Variants in GNA14 observed in about 807,000 individuals in gnomAD.
GNA14 encodes G protein subunit alpha 14.
In GNA14, 50 loss-of-function variants were observed where a neutral mutation model predicts 42.0. The observed-to-expected ratio is 1.19, with a 90% CI of 0.95 to 1.51. The LOEUF is 1.51. Ranked by LOEUF, GNA14 falls within the 40% of genes most tolerant of loss-of-function variation. GNA14 has a pLI of 0.00. For missense variants in GNA14, 473 were observed against 446.2 expected (o/e 1.06, Z -0.54); for synonymous variants, 173 against 163.1 (o/e 1.06, Z -0.46).
intron 1 of GNA14, among the ~76,000 whole-genome samples, chr9:77,635,944 T>C (rs1278481825): frequency 1.3e-4 from 20 of 152,200 alleles, no homozygotes; most frequent in Admixed American, 1.1e-3. Flanking sequence ...TTTCCATCAG[T>C]TGTATTTCAT....
At chr9:77,468,549 T>C (rs1204661546) in intron 2 of GNA14, among the ~76,000 whole-genome samples, 1 of 152,240 alleles carries the variant, frequency 6.6e-6, no homozygotes, top group Non-Finnish European at 1.5e-5. Context: ...TATTTATTAA[T>C]ATTTCAAGAC....
At chr9:77,578,718 C>T (rs146872778) in intron 1 of GNA14, among the ~76,000 whole-genome samples, 12 of 152,312 alleles carry the variant, frequency 7.9e-5, no homozygotes, top group African/African-American at 2.9e-4. Context: ...TAACCTCATA[C>T]TTCCCATATT....
chr9:77,626,671 A>G (rs1041057073), intron 1 of GNA14, among the ~76,000 whole-genome samples: 2 of 152,226 alleles, frequency 1.3e-5, no homozygotes, highest in Non-Finnish European at 2.9e-5. Context: ...GCAGAAATAA[A>G]TAAGTTATTT....
intron 1 of GNA14, among the ~76,000 whole-genome samples, chr9:77,535,256 G>A (rs1001509910): frequency 6.6e-6 from 1 of 152,086 alleles, no homozygotes; most frequent in East Asian, 1.9e-4. Flanking sequence ...ACTGATTTAT[G>A]GGCTGGGTGC....
chr9:77,466,318 A>G (rs1359507895), intron 2 of GNA14, among the ~76,000 whole-genome samples: 1 of 152,114 alleles, frequency 6.6e-6, no homozygotes, highest in Non-Finnish European at 1.5e-5. Context: ...TCTGTTCTTT[A>G]GAATGCATAA....
chr9:77,639,760 T>G (rs915978855), intron 1 of GNA14, among the ~76,000 whole-genome samples: 2 of 152,242 alleles, frequency 1.3e-5, no homozygotes, highest in African/African-American at 2.4e-5. Flanking sequence ...CCAATTTCCA[T>G]TAATTCTATT....
intron 1 of GNA14, among the ~76,000 whole-genome samples, chr9:77,607,563 A>C (rs1237401057): frequency 6.6e-6 from 1 of 152,204 alleles, no homozygotes; most frequent in African/African-American, 2.4e-5. Flanking sequence ...TAATACCAAC[A>C]AGGTTTCCAA....
chr9:77,640,886 A>AAAAC (rs1554705768), intron 1 of GNA14, among the ~76,000 whole-genome samples: 2 of 145,460 alleles, frequency 1.4e-5, no homozygotes, highest in Admixed American at 1.5e-4. Context: ...AAAAAAAAAA[A>AAAAC]AAAAAACAAC....
At chr9:77,495,257 C>T in intron 2 of GNA14, among the ~76,000 whole-genome samples, 1 of 151,862 alleles carries the variant, frequency 6.6e-6, no homozygotes, top group East Asian at 1.9e-4. Context: ...GGGAAAAAAC[C>T]TCTTTTTCCA....
chr9:77,481,239 G>A (rs994780859), intron 2 of GNA14, among the ~76,000 whole-genome samples: 2 of 152,124 alleles, frequency 1.3e-5, no homozygotes, highest in Non-Finnish European at 2.9e-5. Context: ...AGAGATTCTG[G>A]TGTGTTGTGT....
intron 2 of GNA14, among the ~76,000 whole-genome samples, chr9:77,493,126 G>A (rs936518142): frequency 6.7e-6 from 1 of 150,352 alleles, no homozygotes; most frequent in Non-Finnish European, 1.5e-5. Context: ...GTGGGTATGG[G>A]GGCACCGTGG....
intron 1 of GNA14, among the ~76,000 whole-genome samples, chr9:77,611,889 A>G (rs1823740076): frequency 6.6e-6 from 1 of 152,082 alleles, no homozygotes; most frequent in Non-Finnish European, 1.5e-5. Flanking sequence ...ACACAAATAC[A>G]CTCTGAGTGC....
chr9:77,647,590 G>C, intron 1 of GNA14, 80 bp downstream of exon 1: 1 of 1,486,214 alleles, frequency 6.7e-7, no homozygotes, highest in Non-Finnish European at 9.0e-7. Flanking sequence ...CTCCAGGGCC[G>C]CGCGGGTGCC....
At chr9:77,579,052 G>A (rs745598800) in intron 1 of GNA14, among the ~76,000 whole-genome samples, 2 of 152,198 alleles carry the variant, frequency 1.3e-5, no homozygotes, top group Non-Finnish European at 2.9e-5. Flanking sequence ...AGCCATGGGA[G>A]GCTGGCAGTG....
intron 2 of GNA14, among the ~76,000 whole-genome samples, chr9:77,512,613 T>G (rs1011588226): frequency 1.3e-5 from 2 of 152,226 alleles, no homozygotes; most frequent in Non-Finnish European, 2.9e-5. Context: ...ATGTATTCTT[T>G]ATCAAAGGTA....
chr9:77,461,670 C>T (rs1836109199), intron 2 of GNA14, among the ~76,000 whole-genome samples: 1 of 152,112 alleles, frequency 6.6e-6, no homozygotes, highest in Non-Finnish European at 1.5e-5. Context: ...TAGCTTTATA[C>T]TCACTTTTAT....
chr9:77,599,460 G>A (rs992187481), intron 1 of GNA14, among the ~76,000 whole-genome samples: 2 of 152,200 alleles, frequency 1.3e-5, no homozygotes, highest in Admixed American at 1.3e-4. Flanking sequence ...GGTAGTAAAT[G>A]AGGACTGAAC....
chr9:77,451,675 C>T (rs562800242), intron 2 of GNA14, among the ~76,000 whole-genome samples: 20 of 152,234 alleles, frequency 1.3e-4, no homozygotes, highest in Middle Eastern at 3.4e-3. Context: ...CATTAGTCAC[C>T]CTGGGACTCT....
chr9:77,586,860 G>T (rs1251303672), intron 1 of GNA14, among the ~76,000 whole-genome samples: 1 of 152,158 alleles, frequency 6.6e-6, no homozygotes, highest in Admixed American at 6.5e-5. Context: ...GAACCTCCAT[G>T]TTGAACACGC....
Sources: allele counts gnomAD v4.1 joint callset (sites outside exome capture counted in the v4.1 genomes callset), GRCh38; gene constraint gnomAD v4.1.1; transcripts MANE v1.5; gene names NCBI Gene and HGNC (gene_info 2026-07-23, HGNC 2026-07-21).